The following NME7 variants were observed in gnomAD, a reference collection of about 807,000 sequenced individuals.
The protein encoded by NME7 is nucleoside diphosphate kinase 7.
In NME7, 41 loss-of-function variants were observed where a neutral mutation model predicts 49.1. That is an observed-to-expected ratio of 0.83 (90% CI 0.65 to 1.08). NME7 has a LOEUF of 1.08. NME7 is among the 50% of genes least tolerant of loss of function. The pLI, the probability that NME7 is intolerant of heterozygous loss-of-function variation, is 0.00. For missense variants in NME7, 423 were observed against 463.4 expected (o/e 0.91, Z 0.80); for synonymous variants, 139 against 150.6 (o/e 0.92, Z 0.56).
chr1:169,239,351 C>A (rs1647991116), intron 7 of NME7, among the ~76,000 whole-genome samples: 1 of 151,824 alleles, frequency 6.6e-6, no homozygotes, highest in African/African-American at 2.4e-5. Flanking sequence ...GATATTTTCA[C>A]ACAAGAAGCA....
At chr1:169,248,358 T>C (rs1009841072) in intron 7 of NME7, among the ~76,000 whole-genome samples, 2 of 152,126 alleles carry the variant, frequency 1.3e-5, no homozygotes, top group South Asian at 4.1e-4. Flanking sequence ...CTTGAGTTCA[T>C]TGTAGATTCT....
intron 7 of NME7, among the ~76,000 whole-genome samples, chr1:169,261,535 G>A (rs1483159774): frequency 7.5e-6 from 1 of 134,086 alleles, no homozygotes; most frequent in Non-Finnish European, 1.8e-5. Context: ...AGGGATCTGA[G>A]TTATAAGAAC....
At chr1:169,142,320 A>G (rs1293381030) in intron 11 of NME7, among the ~76,000 whole-genome samples, 1 of 152,244 alleles carries the variant, frequency 6.6e-6, no homozygotes, top group Non-Finnish European at 1.5e-5. Context: ...TTGAAATAGA[A>G]ATGCTAGTCT....
At chr1:169,205,595 T>C (rs953050957) in intron 10 of NME7, among the ~76,000 whole-genome samples, 1 of 152,158 alleles carries the variant, frequency 6.6e-6, no homozygotes, top group African/African-American at 2.4e-5. Context: ...ATTTTACAGA[T>C]GAAGAATCTC....
chr1:169,160,916 T>C (rs575138103), intron 11 of NME7, among the ~76,000 whole-genome samples: 27 of 152,314 alleles, frequency 1.8e-4, no homozygotes, highest in Non-Finnish European at 3.7e-4. Context: ...TGGCTATCCC[T>C]TCTGCCATAG....
At chr1:169,257,489 A>G (rs10919114) in intron 7 of NME7, among the ~76,000 whole-genome samples, 15,740 of 129,342 alleles carry the variant, frequency 0.12, 4,348 homozygotes, top group Admixed American at 0.26. Flanking sequence ...AGATGAACCC[A>G]GTACCTCAGA....
chr1:169,342,786 AG>A (rs1336880954), intron 1 of NME7, among the ~76,000 whole-genome samples: 6 of 53,298 alleles, frequency 1.1e-4, no homozygotes, highest in African/African-American at 4.1e-4. Context: ...ATATATATAT[AG>A]TATATATATA....
intron 7 of NME7, among the ~76,000 whole-genome samples, chr1:169,283,322 T>C (rs1461114509): frequency 6.6e-6 from 1 of 152,202 alleles, no homozygotes; most frequent in Admixed American, 6.5e-5. Context: ...ATCCCTTTAC[T>C]TTGAGCCTAT....
In NME7 at chr1:169,262,853, A is replaced by G. The variant is rs935182033; in HGVS notation, c.754+24450T>C. 1.3e-4 allele frequency among the ~76,000 whole-genome samples: 18 copies of G among 133,942 alleles called. 3 individuals carry two copies. The highest frequency in any genetic ancestry group is 4.6e-4 in the African/African-American group (18 of 39,532). The allele number at this position is 133,942 out of a possible 152,430, so 87.9% of individuals were successfully genotyped here. Reference sequence around the variant, plus strand: ...GAGGCAACTCCCATGTCCCCCCAGGAAGCACACAGATAGTAGATTAGGGCA... The same window carrying G: ...GAGGCAACTCCCATGTCCCCCCAGGGAGCACACAGATAGTAGATTAGGGCA... On this transcript the variant is annotated intron_variant, in intron 7 of 11. Transcript: ENST00000367811.
rs1239084116 is a variant in NME7 at position 169,364,518 on chromosome 1, C to CATATGCCTCTTCAA, written c.3+3189_3+3190insTTGAAGAGGCATAT. Among the ~76,000 whole-genome samples the CATATGCCTCTTCAA allele has an allele frequency of 3.8e-3, 575 of 152,188 alleles. 2 individuals carry two copies. The highest frequency in any genetic ancestry group is 0.013 in the African/African-American group (559 of 41,506). ...ACCTCAGCCTCTTCAATAGCTGGGA[C>CATATGCCTCTTCAA]TACACACATATGCCACCGCACCTGA... On this transcript the variant is annotated intron_variant, in intron 1 of 11. Transcript: ENST00000367811.
At chr1:169,215,625 C>T (rs886583065) in intron 10 of NME7, among the ~76,000 whole-genome samples, 37 of 151,826 alleles carry the variant, frequency 2.4e-4, no homozygotes, top group African/African-American at 9.0e-4. Flanking sequence ...TAAATACTAG[C>T]TTAGCATCTT....
intron 6 of NME7, among the ~76,000 whole-genome samples, chr1:169,295,513 C>T (rs1650674811): frequency 1.3e-5 from 2 of 152,216 alleles, no homozygotes; most frequent in South Asian, 2.1e-4. Flanking sequence ...CTATACAAAA[C>T]AATACCACAT....
intron 7 of NME7, among the ~76,000 whole-genome samples, chr1:169,260,984 C>G (rs1307400863): frequency 7.6e-6 from 1 of 131,844 alleles, no homozygotes; most frequent in Non-Finnish European, 1.8e-5. Flanking sequence ...ACTGGGTCAA[C>G]AAATGAATAT....
intron 1 of NME7, among the ~76,000 whole-genome samples, chr1:169,357,654 A>G (rs1557838855): frequency 6.6e-6 from 1 of 152,102 alleles, no homozygotes; most frequent in South Asian, 2.1e-4. Context: ...GTAAAATCCA[A>G]TAAGGTACCT....
intron 7 of NME7, among the ~76,000 whole-genome samples, chr1:169,252,881 G>T (rs1417015911): frequency 6.7e-6 from 1 of 149,350 alleles, no homozygotes; most frequent in African/African-American, 2.5e-5. Context: ...TAGATATGCG[G>T]TGTTATTTCT....
chr1:169,329,145 A>G (rs1395035712), intron 1 of NME7, among the ~76,000 whole-genome samples: 1 of 152,170 alleles, frequency 6.6e-6, no homozygotes, highest in Non-Finnish European at 1.5e-5. Context: ...AACCCTGGCT[A>G]GGGGCCTGAA....
At chr1:169,232,561 G>A (rs1049378812) in intron 9 of NME7, among the ~76,000 whole-genome samples, 3 of 151,842 alleles carry the variant, frequency 2.0e-5, no homozygotes, top group South Asian at 4.2e-4. Context: ...GGTGTTGGGG[G>A]GGGGGCAGGG....
intron 1 of NME7, among the ~76,000 whole-genome samples, chr1:169,355,070 TAGATATA>T (rs1653360235): frequency 1.5e-5 from 1 of 67,872 alleles, no homozygotes; most frequent in African/African-American, 5.9e-5. Context: ...CTATATATTA[TAGATATA>T]ATATATAATA....
chr1:169,230,905 C>A, intron 9 of NME7, 86 bp from the exon 10 acceptor site: 1 of 817,160 alleles, frequency 1.2e-6, no homozygotes. Flanking sequence ...CACTAATGTC[C>A]TTAAAGTCAT....
Sources: gnomAD v4.1 joint callset for allele counts (sites outside exome capture counted in the v4.1 genomes callset) on GRCh38, gnomAD v4.1.1 for gene constraint, MANE v1.5 for transcripts, NCBI Gene and HGNC (gene_info 2026-07-23, HGNC 2026-07-21) for gene names.